CDKAL1: variants seen among roughly 807,000 people sequenced by gnomAD.
CDKAL1 encodes the protein threonylcarbamoyladenosine tRNA methylthiotransferase.
In CDKAL1, 32 loss-of-function variants were observed where a neutral mutation model predicts 68.2. The ratio of observed to expected loss-of-function variants is 0.47; its 90% CI spans 0.35 to 0.63. The LOEUF (loss-of-function observed/expected upper bound fraction) is 0.63. CDKAL1 is among the 30% of genes least tolerant of loss of function. The probability of loss-of-function intolerance (pLI) is 0.00; values close to 1 mark genes in which losing one functional copy is unlikely to be tolerated. For missense variants in CDKAL1, 606 were observed against 696.7 expected (o/e 0.87, Z 1.47); for synonymous variants, 234 against 244.3 (o/e 0.96, Z 0.39).
At chr6:20,627,317 G>T (rs890721219) in intron 4 of CDKAL1, among the ~76,000 whole-genome samples, 1 of 152,058 alleles carries the variant, frequency 6.6e-6, no homozygotes, top group African/African-American at 2.4e-5. Context: ...TAGAAAAGGG[G>T]AGAATTAGAA....
intron 4 of CDKAL1, among the ~76,000 whole-genome samples, chr6:20,647,164 T>G (rs1768512143): frequency 6.6e-6 from 1 of 152,238 alleles, no homozygotes; most frequent in South Asian, 2.1e-4. Flanking sequence ...GCTTTGTCAT[T>G]TGAAATTCAA....
intron 11 of CDKAL1, among the ~76,000 whole-genome samples, chr6:21,001,077 C>T (rs1767402259): frequency 6.6e-6 from 1 of 152,198 alleles, no homozygotes; most frequent in Admixed American, 6.5e-5. Flanking sequence ...AAGTGTTGGC[C>T]CAGGTCACAC....
intron 12 of CDKAL1, among the ~76,000 whole-genome samples, chr6:21,104,010 G>A (rs1325166716): frequency 1.3e-5 from 2 of 152,192 alleles, no homozygotes; most frequent in African/African-American, 4.8e-5. Flanking sequence ...CTACATAGGA[G>A]AAACTGGCTC....
At position 20,992,849 on chromosome 6, in the gene CDKAL1, C is replaced by A. The variant is rs548678741; in HGVS notation, c.910-7378C>A. On this transcript the variant is annotated intron_variant, in intron 10 of 15. Transcript: ENST00000274695. ...GTGAGGAGGTCAAGGCTGCAGTAAG[C>A]CGTGATTGCACTTTTGCACTCCAGC... 7.3e-5 allele frequency among the ~76,000 whole-genome samples: 11 copies of A among 151,674 alleles called. No homozygotes were observed. The South Asian group carries it at 2.3e-3, about 32-fold the overall frequency.
At chr6:20,580,870 A>C (rs1581759945) in intron 4 of CDKAL1, among the ~76,000 whole-genome samples, 1 of 151,142 alleles carries the variant, frequency 6.6e-6, no homozygotes, top group South Asian at 2.1e-4. Flanking sequence ...GCTTACTGCA[A>C]CCTCCATCTC....
intron 4 of CDKAL1, among the ~76,000 whole-genome samples, chr6:20,642,958 T>A (rs1382433969): frequency 6.6e-6 from 1 of 151,956 alleles, no homozygotes; most frequent in African/African-American, 2.4e-5. Flanking sequence ...CTGTAAATAA[T>A]AAGATATTGA....
chr6:21,119,563 G>T lies in CDKAL1; in HGVS notation c.1299+11100G>T, dbSNP rs562456138. ...TTTTCGCTTCTAAAACCTCAGCAGG[G>T]TGTGTGTAGAAATCTTAATTCTTCC... On this transcript the variant is annotated intron_variant, in intron 13 of 15. Transcript: ENST00000274695. 2.0e-5 allele frequency among the ~76,000 whole-genome samples: 3 copies of T among 152,280 alleles called. No individual in the cohort carries two copies. In the East Asian group the frequency reaches 5.8e-4, roughly 29 times the overall value.
At chr6:20,602,479 G>A (rs1459555048) in intron 4 of CDKAL1, among the ~76,000 whole-genome samples, 1 of 152,160 alleles carries the variant, frequency 6.6e-6, no homozygotes, top group African/African-American at 2.4e-5. Flanking sequence ...CCTTAGGGAG[G>A]AATGGGGTTA....
intron 4 of CDKAL1, chr6:20,599,495 G>A: frequency 2.9e-6 from 1 of 344,870 alleles, no homozygotes. Flanking sequence ...TGCAAACACT[G>A]GGTGCTTTAT....
chr6:20,968,942 C>G (rs1250103263), intron 10 of CDKAL1, among the ~76,000 whole-genome samples: 7 of 151,720 alleles, frequency 4.6e-5, no homozygotes, highest in African/African-American at 1.7e-4. Context: ...CTCCTTTTTT[C>G]CTGTGCACAA....
At chr6:20,541,842 T>C (rs1763400792) in intron 2 of CDKAL1, among the ~76,000 whole-genome samples, 1 of 152,220 alleles carries the variant, frequency 6.6e-6, no homozygotes, top group Non-Finnish European at 1.5e-5. Context: ...GTATTTTTAG[T>C]AGAGACAGGG....
At chr6:21,035,452 A>G (rs60079888) in intron 11 of CDKAL1, among the ~76,000 whole-genome samples, 1 of 152,194 alleles carries the variant, frequency 6.6e-6, no homozygotes, top group African/African-American at 2.4e-5. Context: ...TATTTGAGAC[A>G]AAAATTTTCC....
intron 15 of CDKAL1, among the ~76,000 whole-genome samples, chr6:21,208,203 C>T (rs1404271273): frequency 2.0e-5 from 3 of 152,028 alleles, no homozygotes; most frequent in Non-Finnish European, 4.4e-5. Context: ...CAGCCGACCG[C>T]GCTTGGAAAG....
At chr6:21,072,603 A>G (rs1036869635) in intron 12 of CDKAL1, among the ~76,000 whole-genome samples, 4 of 118,346 alleles carry the variant, frequency 3.4e-5, no homozygotes, top group African/African-American at 1.3e-4. Context: ...CTTGTCTTTT[A>G]TCTTCTAAAC....
At chr6:20,638,887 C>T (rs1581871991) in intron 4 of CDKAL1, among the ~76,000 whole-genome samples, 1 of 152,218 alleles carries the variant, frequency 6.6e-6, no homozygotes, top group Admixed American at 6.5e-5. Context: ...CTGCCTCGGC[C>T]TCCTAAAGTG....
At chr6:21,121,697 A>G (rs967460021) in intron 13 of CDKAL1, among the ~76,000 whole-genome samples, 4 of 152,238 alleles carry the variant, frequency 2.6e-5, no homozygotes, top group Non-Finnish European at 5.9e-5. Context: ...TATATGTTCA[A>G]TAAATATCTG....
At chr6:21,224,681 C>G (rs1468603881) in intron 15 of CDKAL1, among the ~76,000 whole-genome samples, 1 of 152,150 alleles carries the variant, frequency 6.6e-6, no homozygotes, top group Non-Finnish European at 1.5e-5. Context: ...GCCTCCCAGC[C>G]AACACCTTGA....
At chr6:21,019,452 C>G (rs1768514142) in intron 11 of CDKAL1, among the ~76,000 whole-genome samples, 1 of 152,134 alleles carries the variant, frequency 6.6e-6, no homozygotes. Flanking sequence ...GGCATTCTTT[C>G]TACTGCTGTG....
chr6:20,820,012 A>G lies in CDKAL1; in HGVS notation c.639-26063A>G, dbSNP rs765562716. On this transcript the variant is annotated intron_variant, in intron 8 of 15. Coordinates refer to ENST00000274695, the MANE Select transcript of CDKAL1 (RefSeq NM_017774.3). ...GGCTTTCTCTGTCTAGAACTCCTAT[A>G]GGCTTAGGAAACCACTTTGCATGGC... Among the ~76,000 whole-genome samples the G allele has an allele frequency of 7.9e-5, 12 of 152,250 alleles. No homozygotes were observed. The South Asian group carries it at 1.2e-3, about 16-fold the overall frequency.
Sources: allele counts gnomAD v4.1 joint callset (sites outside exome capture counted in the v4.1 genomes callset), GRCh38; gene constraint gnomAD v4.1.1; transcripts MANE v1.5; gene names NCBI Gene and HGNC (gene_info 2026-07-23, HGNC 2026-07-21).